The following DMD variants were observed in gnomAD, a reference collection of about 807,000 sequenced individuals.
The protein encoded by DMD is mutant dystrophin.
A neutral mutation model predicts 330.1 loss-of-function variants in DMD; 63 were observed. The observed-to-expected ratio is 0.19, with a 90% confidence interval of 0.16 to 0.24. DMD has a LOEUF of 0.24. Ranked by LOEUF, DMD falls within the 10% of genes least tolerant of loss-of-function variation. The pLI is 1.00. For missense variants in DMD, 3,344 were observed against 2,684.1 expected, an observed-to-expected ratio of 1.25 and a Z score of -5.43; for synonymous variants, 1,223 against 959.8, an observed-to-expected ratio of 1.27 and a Z score of -5.07.
intron 12 of DMD, among the ~76,000 whole-genome samples, chrX:32,605,538 G>A (rs139826196): frequency 9.2e-6 from 1 of 108,657 alleles, no homozygotes; most frequent in East Asian, 2.9e-4. Flanking sequence ...GTAGACAAAT[G>A]GAACTTAATT....
intron 44 of DMD, among the ~76,000 whole-genome samples, chrX:32,207,569 G>C (rs1159106566): frequency 9.0e-6 from 1 of 111,721 alleles, no homozygotes; most frequent in Non-Finnish European, 1.9e-5. Context: ...GATATCCCAA[G>C]GAGACTAGAA....
chrX:31,371,624 A>G (rs1209165747), intron 60 of DMD, among the ~76,000 whole-genome samples: 2 of 111,274 alleles, frequency 1.8e-5, no homozygotes, highest in Non-Finnish European at 3.8e-5. Flanking sequence ...TGGATCTGCA[A>G]TCACATCTGG....
intron 43 of DMD, among the ~76,000 whole-genome samples, chrX:32,252,286 A>G (rs933809632): frequency 9.1e-6 from 1 of 110,237 alleles, no homozygotes; most frequent in Admixed American, 9.9e-5. Context: ...CCTCACAGAT[A>G]ATTACTCTCA....
chrX:31,453,186 C>T (rs186813869), intron 59 of DMD, among the ~76,000 whole-genome samples: 4 of 111,161 alleles, frequency 3.6e-5, no homozygotes, highest in Admixed American at 1.9e-4. Flanking sequence ...GATGGAGTCT[C>T]GCTCTGTTGC....
At chrX:32,852,702 T>TAG (rs768604977) in intron 2 of DMD, among the ~76,000 whole-genome samples, 16 of 109,527 alleles carry the variant, frequency 1.5e-4, no homozygotes, top group Non-Finnish European at 1.9e-4. Context: ...CGTTTACTCC[T>TAG]AGTTAACTAA....
At chrX:32,766,563 CTTAAT>C (rs1351877049) in intron 7 of DMD, among the ~76,000 whole-genome samples, 4 of 110,945 alleles carry the variant, frequency 3.6e-5, no homozygotes, top group Middle Eastern at 4.7e-3. Context: ...TGCAATTGTG[CTTAAT>C]TTATTAGTTC....
chrX:31,907,223 G>C (rs1467700912), intron 47 of DMD, among the ~76,000 whole-genome samples: 2 of 111,312 alleles, frequency 1.8e-5, no homozygotes, highest in Non-Finnish European at 3.8e-5. Flanking sequence ...AAATAGGGAA[G>C]ATAGCCAATA....
chrX:32,183,108 C>T (rs761529711), intron 44 of DMD, among the ~76,000 whole-genome samples: 1 of 111,816 alleles, frequency 8.9e-6, no homozygotes, highest in South Asian at 3.7e-4. Context: ...CCAAGTCAGT[C>T]TAATTCCAAA....
chrX:31,713,425 G>A (rs979689358), intron 52 of DMD, among the ~76,000 whole-genome samples: 1 of 111,425 alleles, frequency 9.0e-6, no homozygotes, highest in African/African-American at 3.3e-5. Flanking sequence ...TTCTTTGCTT[G>A]TACCTCTAAT....
intron 7 of DMD, among the ~76,000 whole-genome samples, chrX:32,717,372 G>C (rs1275179262): frequency 9.0e-6 from 1 of 111,395 alleles, no homozygotes; most frequent in Admixed American, 9.5e-5. Context: ...GATGTGTCTT[G>C]GGGTGTTGCT....
At chrX:32,672,856 C>G (rs750361298) in intron 9 of DMD, among the ~76,000 whole-genome samples, 1 of 110,818 alleles carries the variant, frequency 9.0e-6, no homozygotes, top group Non-Finnish European at 1.9e-5. Context: ...CACTGAGATA[C>G]GGAGCTGCAG....
At chrX:32,115,431 C>T (rs1165468472) in intron 44 of DMD, among the ~76,000 whole-genome samples, 14 of 109,102 alleles carry the variant, frequency 1.3e-4, no homozygotes, top group Admixed American at 8.8e-4. Context: ...TGTGTAGAGG[C>T]GAGGTCTCGC....
chrX:31,269,848 A>G (rs2051481815), intron 62 of DMD, among the ~76,000 whole-genome samples: 1 of 111,759 alleles, frequency 8.9e-6, no homozygotes, highest in Non-Finnish European at 1.9e-5. Context: ...ATCCATCTCT[A>G]TTCTTTGTCC....
chrX:33,170,917 G>A (rs972664180), intron 1 of DMD, among the ~76,000 whole-genome samples: 1 of 111,682 alleles, frequency 9.0e-6, no homozygotes, highest in Middle Eastern at 4.7e-3. Context: ...AGCACCATTT[G>A]TTGAAAACAC....
At chrX:32,869,793 G>A (rs939873438) in intron 2 of DMD, among the ~76,000 whole-genome samples, 1 of 109,713 alleles carries the variant, frequency 9.1e-6, no homozygotes, top group Admixed American at 9.9e-5. Context: ...AGGTATTGAT[G>A]GAACATGTCT....
At chrX:32,901,063 T>C (rs1168221083) in intron 2 of DMD, among the ~76,000 whole-genome samples, 1 of 111,522 alleles carries the variant, frequency 9.0e-6, no homozygotes, top group African/African-American at 3.2e-5. Context: ...TGTAATGTAG[T>C]CAGTGGTATA....
chrX:32,948,147 CA>C (rs2090954032), intron 2 of DMD, among the ~76,000 whole-genome samples: 1 of 108,307 alleles, frequency 9.2e-6, no homozygotes, highest in South Asian at 3.9e-4. Flanking sequence ...CACACACACA[CA>C]CCAGGGACGG....
intron 60 of DMD, among the ~76,000 whole-genome samples, chrX:31,441,225 C>A (rs2064925071): frequency 8.9e-6 from 1 of 111,898 alleles, no homozygotes; most frequent in Non-Finnish European, 1.9e-5. Context: ...GAGACCGAGT[C>A]TGGCTCTGTC....
chrX:32,380,703 G>A (rs771676602), intron 33 of DMD, 23 bp from the exon 34 acceptor site: 3 of 1,177,647 alleles, frequency 2.5e-6, no homozygotes, highest in African/African-American at 3.5e-5. Context: ...ATAATGAAAT[G>A]TAATTTAGTT....
Sources: gnomAD v4.1 joint callset for allele counts (sites outside exome capture counted in the v4.1 genomes callset) on GRCh38, gnomAD v4.1.1 for gene constraint, MANE v1.5 for transcripts, NCBI Gene and HGNC (gene_info 2026-07-23, HGNC 2026-07-21) for gene names.